The following IFT80 variants were observed in gnomAD, a reference collection of about 807,000 sequenced individuals.
The protein encoded by IFT80 is intraflagellar transport 80.
Under a neutral mutation model 107.9 loss-of-function variants are expected in IFT80, and 79 were observed. The observed-to-expected ratio is 0.73, with a 90% CI of 0.61 to 0.88. The LOEUF is 0.88. Ranked by LOEUF, IFT80 falls within the 40% of genes least tolerant of loss-of-function variation. The pLI is 0.00. For missense variants in IFT80, 797 were observed against 914.2 expected (o/e 0.87, Z 1.65); for synonymous variants, 299 against 300.9 (o/e 0.99, Z 0.07).
At chr3:160,264,068 T>C (rs542653513) in intron 19 of IFT80, among the ~76,000 whole-genome samples, 58 of 151,792 alleles carry the variant, frequency 3.8e-4, no homozygotes, top group African/African-American at 1.4e-3. Flanking sequence ...TCCCAAAGTG[T>C]TGGGATTACA....
rs1471278405 is a variant in IFT80 at position 160,384,350 on chromosome 3, G to T, written c.37+214C>A. 15 of 1,144,048 alleles carry T rather than the reference G, an allele frequency of 1.3e-5. No homozygotes were observed. The South Asian group carries it at 1.3e-4, about 10-fold the overall frequency. The allele number at this position is 1,144,048 out of a possible 1,614,324, so 70.9% of individuals were successfully genotyped here. The stretch of plus-strand genomic sequence containing the variant: ...CTTAAGTAGAGTAAGAAAAACGTCA[G>T]TAAGAATTTTAAAATAAGATTTATA... On this transcript the variant is annotated intron_variant, in intron 2 of 19. Coordinates refer to ENST00000326448, the MANE Select transcript of IFT80 (RefSeq NM_020800.3).
At chr3:160,340,405 C>G (rs957448826) in intron 8 of IFT80, among the ~76,000 whole-genome samples, 1 of 152,172 alleles carries the variant, frequency 6.6e-6, no homozygotes, top group African/African-American at 2.4e-5. Context: ...TTGCAGTTCT[C>G]TAAGTCATAA....
At chr3:160,287,045 T>C (rs941987004) in intron 12 of IFT80, among the ~76,000 whole-genome samples, 3 of 152,112 alleles carry the variant, frequency 2.0e-5, no homozygotes, top group African/African-American at 7.2e-5. Flanking sequence ...TGGTTCATCA[T>C]GTGGGCAATG....
At chr3:160,299,559 C>G (rs539047150) in intron 12 of IFT80, among the ~76,000 whole-genome samples, 3 of 152,176 alleles carry the variant, frequency 2.0e-5, no homozygotes, top group African/African-American at 7.2e-5. Context: ...TTCCTCTTAC[C>G]TCACTGGCTC....
At chr3:160,357,761 G>A (rs1455663902) in intron 6 of IFT80, among the ~76,000 whole-genome samples, 183 bp from the exon 7 acceptor site, 1 of 152,042 alleles carries the variant, frequency 6.6e-6, no homozygotes, top group African/African-American at 2.4e-5. Flanking sequence ...TTATACTAAT[G>A]TAAGCACCTA....
At chr3:160,331,702 C>T (rs555497524) in intron 8 of IFT80, among the ~76,000 whole-genome samples, 1 of 152,006 alleles carries the variant, frequency 6.6e-6, no homozygotes, top group South Asian at 2.1e-4. Context: ...GGTCTGTCAT[C>T]CATGCTGGAG....
intron 1 of IFT80, among the ~76,000 whole-genome samples, chr3:160,398,183 A>C (rs1713995178): frequency 6.6e-6 from 1 of 152,212 alleles, no homozygotes; most frequent in Non-Finnish European, 1.5e-5. Context: ...TATTGAGTCT[A>C]CGCTTATGCA....
intron 8 of IFT80, among the ~76,000 whole-genome samples, chr3:160,345,402 G>A (rs1720215088): frequency 6.6e-6 from 1 of 152,054 alleles, no homozygotes; most frequent in South Asian, 2.1e-4. Context: ...TGAACTCATG[G>A]AGATAGAGAG....
At chr3:160,292,900 G>A (rs1414725188) in intron 12 of IFT80, among the ~76,000 whole-genome samples, 1 of 152,142 alleles carries the variant, frequency 6.6e-6, no homozygotes, top group Non-Finnish European at 1.5e-5. Context: ...TGGTTCCCAA[G>A]AAAGAAATTG....
At chr3:160,322,003 GT>G (rs1718259283) in intron 8 of IFT80, among the ~76,000 whole-genome samples, 1 of 146,406 alleles carries the variant, frequency 6.8e-6, no homozygotes. Flanking sequence ...TTGTCAGCTT[GT>G]TATTTATTTA....
At chr3:160,260,615 A>C (rs1158065852) in intron 19 of IFT80, among the ~76,000 whole-genome samples, 2 of 152,208 alleles carry the variant, frequency 1.3e-5, no homozygotes, top group African/African-American at 4.8e-5. Context: ...ATCTAGTTTT[A>C]AAAAGTGTTC....
chr3:160,302,658 AT>A (rs1716529727), intron 11 of IFT80, among the ~76,000 whole-genome samples: 1 of 152,102 alleles, frequency 6.6e-6, no homozygotes, highest in East Asian at 1.9e-4. Flanking sequence ...GTATAAATGA[AT>A]TTATTTCGAA....
intron 1 of IFT80, among the ~76,000 whole-genome samples, chr3:160,385,396 C>T (rs1323561897): frequency 6.6e-6 from 1 of 152,134 alleles, no homozygotes; most frequent in East Asian, 1.9e-4. Context: ...TTCTGAGTAA[C>T]ATCACTAACC....
intron 8 of IFT80, chr3:160,343,893 C>A (rs191900558): frequency 7.5e-4 from 146 of 195,066 alleles, no homozygotes; most frequent in Middle Eastern, 2.0e-3. Flanking sequence ...CTAACAGACT[C>A]TCAATAAATA....
chr3:160,369,650 G>A (rs1722097672), intron 5 of IFT80, among the ~76,000 whole-genome samples: 1 of 151,826 alleles, frequency 6.6e-6, no homozygotes, highest in Admixed American at 6.6e-5. Flanking sequence ...ATTAAAGCAT[G>A]AATTATTCCC....
At chr3:160,263,536 A>C (rs569378351) in intron 19 of IFT80, among the ~76,000 whole-genome samples, 1 of 152,324 alleles carries the variant, frequency 6.6e-6, no homozygotes, top group Non-Finnish European at 1.5e-5. Context: ...ATTCTTCCTC[A>C]TTCATTCAAT....
intron 5 of IFT80, among the ~76,000 whole-genome samples, chr3:160,369,896 T>A (rs1201206810): frequency 6.6e-6 from 1 of 152,114 alleles, no homozygotes; most frequent in Non-Finnish European, 1.5e-5. Flanking sequence ...ATCTTGTTTT[T>A]CTAACTTTGT....
At chr3:160,349,540 A>G (rs891529766) in intron 8 of IFT80, among the ~76,000 whole-genome samples, 21 of 152,152 alleles carry the variant, frequency 1.4e-4, no homozygotes, top group African/African-American at 4.8e-4. Context: ...ATTTGTGGAA[A>G]ATGCTAGGGT....
At chr3:160,393,367 T>C (rs753520359) in intron 1 of IFT80, among the ~76,000 whole-genome samples, 1 of 152,188 alleles carries the variant, frequency 6.6e-6, no homozygotes, top group Non-Finnish European at 1.5e-5. Flanking sequence ...CAAGAAAATA[T>C]AATTAAGAGT....
Sources: gnomAD v4.1 joint callset for allele counts (sites outside exome capture counted in the v4.1 genomes callset) on GRCh38, gnomAD v4.1.1 for gene constraint, MANE v1.5 for transcripts, NCBI Gene and HGNC (gene_info 2026-07-23, HGNC 2026-07-21) for gene names.